USP40: variants seen among roughly 807,000 people sequenced by gnomAD.
USP40 encodes ubiquitin carboxyl-terminal hydrolase 40.
USP40 carries 143 observed loss-of-function variants against 166.2 expected under a neutral mutation model. The ratio of observed to expected loss-of-function variants is 0.86; its 90% CI spans 0.75 to 0.99. The LOEUF is 0.99. Among genes scored for constraint, USP40 ranks in the 50% least tolerant of loss-of-function variants. The probability of loss-of-function intolerance (pLI) is 0.00; values close to 1 mark genes in which losing one functional copy is unlikely to be tolerated. For missense variants in USP40, 1,444 were observed against 1,479.7 expected (o/e 0.98, Z 0.40); for synonymous variants, 498 against 524.0 (o/e 0.95, Z 0.68).
chr2:233,490,713 T>G (rs1377698247), intron 26 of USP40, among the ~76,000 whole-genome samples: 3 of 152,150 alleles, frequency 2.0e-5, no homozygotes, highest in Non-Finnish European at 4.4e-5. Context: ...AACAACACAA[T>G]ACCTAGAATA....
intron 10 of USP40, among the ~76,000 whole-genome samples, chr2:233,536,588 T>C (rs887225636): frequency 6.6e-6 from 1 of 152,094 alleles, no homozygotes; most frequent in Admixed American, 6.5e-5. Context: ...GAGGCAGAGA[T>C]TGCAGTGAGC....
chr2:233,495,982 G>A (rs533343158), intron 24 of USP40, among the ~76,000 whole-genome samples: 40 of 152,290 alleles, frequency 2.6e-4, no homozygotes, highest in Non-Finnish European at 4.9e-4. Flanking sequence ...ACATTAAAAA[G>A]GATATGCACA....
At chr2:233,497,520 G>A (rs1381377105) in intron 23 of USP40, among the ~76,000 whole-genome samples, 1 of 152,084 alleles carries the variant, frequency 6.6e-6, no homozygotes, top group Non-Finnish European at 1.5e-5. Context: ...AGGCTGAGAG[G>A]AAACATGAAG....
chr2:233,482,133 G>C (rs546289224), intron 30 of USP40, among the ~76,000 whole-genome samples: 1 of 152,138 alleles, frequency 6.6e-6, no homozygotes, highest in East Asian at 1.9e-4. Flanking sequence ...GGAACATGTC[G>C]TGTCAAGTAT....
chr2:233,560,951 C>T (rs997872367), intron 3 of USP40: 11 of 704,036 alleles, frequency 1.6e-5, no homozygotes, highest in Non-Finnish European at 2.6e-5. Context: ...GTTTATAAAG[C>T]AGTAGCAGTA....
At chr2:233,522,221 A>C (rs1006770837) in intron 16 of USP40, among the ~76,000 whole-genome samples, 5 of 152,192 alleles carry the variant, frequency 3.3e-5, no homozygotes, top group Non-Finnish European at 4.4e-5. Context: ...TAGGTTTAAA[A>C]AGAAAGGCAC....
chr2:233,524,690 A>T lies in USP40; in HGVS notation c.1811-128T>A, dbSNP rs992009121. Reference sequence around the variant, plus strand: ...AAGGAAAATTTAAAAAGTAGTAATTATTTTTATTCTATTGACATTATTTCA... The same window carrying T: ...AAGGAAAATTTAAAAAGTAGTAATTTTTTTTATTCTATTGACATTATTTCA... On this transcript the variant is annotated intron_variant, in intron 14 of 31. Transcript: ENST00000678225. 74 of 631,626 alleles carry T rather than the reference A, an allele frequency of 1.2e-4. No homozygotes were observed. In the South Asian group the frequency reaches 1.5e-3, roughly 13 times the overall value. 39.1% of individuals were successfully genotyped at this position (631,626 alleles called of 1,614,324 possible).
intron 13 of USP40, among the ~76,000 whole-genome samples, chr2:233,525,783 C>T (rs976490082): frequency 1.3e-5 from 2 of 152,168 alleles, no homozygotes; most frequent in Non-Finnish European, 2.9e-5. Context: ...GTGAAGAATT[C>T]TGGCCTACAC....
chr2:233,514,837 C>T (rs957806623), intron 18 of USP40, among the ~76,000 whole-genome samples: 5 of 152,200 alleles, frequency 3.3e-5, no homozygotes, highest in African/African-American at 1.2e-4. Flanking sequence ...AGTACCTAAA[C>T]ATCTGGTAAC....
chr2:233,535,111 AG>A (rs2068843047), intron 10 of USP40, among the ~76,000 whole-genome samples: 1 of 152,206 alleles, frequency 6.6e-6, no homozygotes, highest in African/African-American at 2.4e-5. Context: ...TACTGGGATG[AG>A]GGGACAGAAT....
At chr2:233,492,277 T>C (rs1452728712) in intron 25 of USP40, among the ~76,000 whole-genome samples, 3 of 152,206 alleles carry the variant, frequency 2.0e-5, no homozygotes, top group Non-Finnish European at 4.4e-5. Flanking sequence ...AGCCTAGGTG[T>C]GTAGGAGGCT....
intron 10 of USP40, among the ~76,000 whole-genome samples, chr2:233,539,156 A>G (rs1366516685): frequency 2.0e-5 from 3 of 152,208 alleles, no homozygotes; most frequent in African/African-American, 7.2e-5. Context: ...AAAATGAGAC[A>G]AATCCACAAT....
chr2:233,499,846 T>C, intron 22 of USP40, 33 bp downstream of exon 22: 4 of 1,595,194 alleles, frequency 2.5e-6, no homozygotes, highest in African/African-American at 1.4e-5. Flanking sequence ...TATTAGGCTT[T>C]TAAGTAATAT....
intron 1 of USP40, 57 bp from the exon 2 acceptor site, chr2:233,565,630 C>T: frequency 2.1e-6 from 3 of 1,406,822 alleles, no homozygotes; most frequent in Non-Finnish European, 2.9e-6. Context: ...TCCCCAAATC[C>T]CCCTACCTTA....
At chr2:233,525,883 G>C (rs2067989042) in intron 13 of USP40, among the ~76,000 whole-genome samples, 1 of 152,132 alleles carries the variant, frequency 6.6e-6, no homozygotes, top group South Asian at 2.1e-4. Flanking sequence ...TGTCAGCCTA[G>C]GAATTTTTAC....
intron 18 of USP40, among the ~76,000 whole-genome samples, chr2:233,514,517 G>C (rs565574467): frequency 7.0e-6 from 1 of 143,658 alleles, no homozygotes; most frequent in African/African-American, 2.6e-5. Flanking sequence ...CAGAAAAGCA[G>C]ATCACAAGGT....
chr2:233,486,012 C>T lies in USP40; in HGVS notation c.3198-35G>A. ...AAAACCGTCAAGCGCCAGATCCAAA[C>T]AAACAAACAAAACCACGTGGTAACT... On this transcript the variant is annotated intron_variant, in intron 28 of 31. Coordinates refer to ENST00000678225, the MANE Select transcript of USP40 (RefSeq NM_001365479.2). The surrounding 1 kb of genome is among the most constrained non-coding windows in gnomAD (Gnocchi z 4.0). The T allele has an allele frequency of 6.5e-7, 1 of 1,535,614 alleles. No homozygotes were observed. Among genetic ancestry groups the T allele is most frequent in the Non-Finnish European group, 8.7e-7 (1 of 1,145,180 alleles).
At position 233,489,525 on chromosome 2, in the gene USP40, C is replaced by T. The variant is rs767730792; in HGVS notation, c.3013-42G>A. On this transcript the variant is annotated intron_variant, in intron 26 of 31. Coordinates refer to ENST00000678225, the MANE Select transcript of USP40 (RefSeq NM_001365479.2). ...ACATTTCTCCAACGGTTTTAAAAAG[C>T]ACTCTTCAAAACATACTGTTTTAGA... 3.6e-5 allele frequency: 54 copies of T among 1,496,286 alleles called. No homozygotes were observed. The South Asian group carries it at 4.9e-4, about 14-fold the overall frequency. The allele number at this position is 1,496,286 out of a possible 1,614,324, so 92.7% of individuals were successfully genotyped here. A position where few individuals can be genotyped will look rare whatever the true frequency, so the allele number is the denominator to read the frequency against.
intron 22 of USP40, among the ~76,000 whole-genome samples, chr2:233,498,968 G>A (rs901805552): frequency 2.0e-5 from 3 of 152,144 alleles, no homozygotes; most frequent in South Asian, 2.1e-4. Flanking sequence ...GAAGACCTGC[G>A]TGGCTCCAGG....
Sources: allele counts gnomAD v4.1 joint callset (sites outside exome capture counted in the v4.1 genomes callset), GRCh38; gene constraint gnomAD v4.1.1; non-coding constraint Gnocchi (gnomAD v3.1); transcripts MANE v1.5; gene names NCBI Gene and HGNC (gene_info 2026-07-23, HGNC 2026-07-21).